Variants in HNF4A observed in about 807,000 individuals in gnomAD.
HNF4A encodes the protein hepatocyte nuclear factor 4 alpha.
In HNF4A, 15 loss-of-function variants were observed where a neutral mutation model predicts 52.4. The observed-to-expected ratio is 0.29, with a 90% confidence interval of 0.19 to 0.44. HNF4A has a LOEUF of 0.44. HNF4A is among the 20% of genes least tolerant of loss of function. HNF4A has a pLI of 1.00. For synonymous variants in HNF4A, 280 were observed against 264.4 expected (o/e 1.06, Z -0.57); for missense variants, 479 against 647.2 (o/e 0.74, Z 2.82).
intron 1 of HNF4A, among the ~76,000 whole-genome samples, chr20:44,384,144 C>T (rs951563022): frequency 7.4e-6 from 1 of 135,050 alleles, no homozygotes; most frequent in African/African-American, 2.6e-5. Flanking sequence ...AGCCATCACG[C>T]CTGGCCCCTG....
At chr20:44,383,023 G>A (rs963746201) in intron 1 of HNF4A, among the ~76,000 whole-genome samples, 1 of 152,084 alleles carries the variant, frequency 6.6e-6, no homozygotes, top group African/African-American at 2.4e-5. Flanking sequence ...AGAAAAATTA[G>A]CCAGGGGTGG....
At chr20:44,404,784 TGCG>T (rs1568719968) in intron 1 of HNF4A, among the ~76,000 whole-genome samples, 2 of 91,560 alleles carry the variant, frequency 2.2e-5, no homozygotes, top group African/African-American at 4.3e-5. Flanking sequence ...TGTGTGTGTG[TGCG>T]TGTGTCTGTG....
upstream of HNF4A, among the ~76,000 whole-genome samples, chr20:44,400,658 G>A (rs1454188192): frequency 2.0e-5 from 3 of 152,140 alleles, no homozygotes; most frequent in Non-Finnish European, 2.9e-5. Flanking sequence ...GGGGCAGGGT[G>A]GGATCACAGG....
chr20:44,356,333 G>A (rs926606004), intron 1 of HNF4A, among the ~76,000 whole-genome samples: 4 of 152,144 alleles, frequency 2.6e-5, no homozygotes, highest in Middle Eastern at 6.3e-3. Flanking sequence ...GGTAGAAAGC[G>A]CCGCGCAGGG....
intron 1 of HNF4A, among the ~76,000 whole-genome samples, chr20:44,387,139 C>A (rs2063234644): frequency 6.6e-6 from 1 of 151,752 alleles, no homozygotes; most frequent in South Asian, 2.1e-4. Flanking sequence ...CCCGTCTCTA[C>A]TAAAAATTAA....
intron 8 of HNF4A, among the ~76,000 whole-genome samples, chr20:44,427,176 GA>G (rs1440356387): frequency 6.6e-6 from 1 of 152,212 alleles, no homozygotes; most frequent in Non-Finnish European, 1.5e-5. Flanking sequence ...AATGTCTCCT[GA>G]TGGGCCAAAA....
At chr20:44,380,195 A>G (rs2063137475) in intron 1 of HNF4A, among the ~76,000 whole-genome samples, 1 of 152,144 alleles carries the variant, frequency 6.6e-6, no homozygotes, top group Non-Finnish European at 1.5e-5. Flanking sequence ...TGCAGTTTTG[A>G]TTTGCACTTC....
chr20:44,388,381 A>ACCCCCCCCCCCCCCC (rs1227407354), intron 1 of HNF4A, among the ~76,000 whole-genome samples: 1 of 76,222 alleles, frequency 1.3e-5, no homozygotes, highest in Non-Finnish European at 2.3e-5. Context: ...GACCCCCCCC[A>ACCCCCCCCCCCCCCC]CCCCCGTACA....
At chr20:44,357,633 C>T (rs2062872656) in intron 1 of HNF4A, among the ~76,000 whole-genome samples, 1 of 152,136 alleles carries the variant, frequency 6.6e-6, no homozygotes, top group East Asian at 1.9e-4. Context: ...CATCTCTGCT[C>T]CTGTGTCATA....
intron 3 of HNF4A, among the ~76,000 whole-genome samples, chr20:44,411,567 G>A (rs1425092059): frequency 1.3e-5 from 2 of 152,160 alleles, no homozygotes; most frequent in African/African-American, 4.8e-5. Flanking sequence ...CAGGGAAGCC[G>A]TGCTCTGAGC....
chr20:44,387,132 G>A (rs1475004551), intron 1 of HNF4A, among the ~76,000 whole-genome samples: 2 of 151,828 alleles, frequency 1.3e-5, no homozygotes, highest in South Asian at 2.1e-4. Flanking sequence ...GCGAAACCCC[G>A]TCTCTACTAA....
At chr20:44,403,272 G>A (rs900799448) in intron 1 of HNF4A, among the ~76,000 whole-genome samples, 3 of 152,176 alleles carry the variant, frequency 2.0e-5, no homozygotes, top group African/African-American at 7.2e-5. Context: ...GCTCAAATCC[G>A]GCATAGATCC....
rs141547938 is a variant in HNF4A, at chr20:44,408,445, C to T, written c.385+970C>T. Among the ~76,000 whole-genome samples the T allele has an allele frequency of 9.2e-5, 14 of 152,268 alleles. 1 individual carries two copies. The East Asian group carries it at 2.3e-3, about 25-fold the overall frequency. ...TTAACTGCTTTAAAGTAACTTGAGG[C>T]CAGGCGCAGTGAATCAGGCCTGTAA... On this transcript the variant is annotated intron_variant, in intron 3 of 9. Coordinates refer to ENST00000316099, the MANE Select transcript of HNF4A (RefSeq NM_000457.6).
chr20:44,402,151 G>A (rs2063418399), intron 1 of HNF4A, among the ~76,000 whole-genome samples: 1 of 152,104 alleles, frequency 6.6e-6, no homozygotes, highest in South Asian at 2.1e-4. Flanking sequence ...CTCTGTGTGT[G>A]AGTTCTGGGT....
At chr20:44,372,520 G>T (rs1427376991) in intron 1 of HNF4A, among the ~76,000 whole-genome samples, 1 of 152,124 alleles carries the variant, frequency 6.6e-6, no homozygotes, top group Non-Finnish European at 1.5e-5. Flanking sequence ...GCCCCATCTG[G>T]CAGCCATTGT....
At chr20:44,407,260 C>T in intron 2 of HNF4A, 121 bp from the exon 3 acceptor site, 2 of 765,882 alleles carry the variant, frequency 2.6e-6, no homozygotes, top group South Asian at 2.9e-5. Context: ...AGAGAGAACT[C>T]CCGGGATGAA....
chr20:44,364,991 T>C (rs2062956297), intron 1 of HNF4A, among the ~76,000 whole-genome samples: 1 of 152,126 alleles, frequency 6.6e-6, no homozygotes, highest in African/African-American at 2.4e-5. Flanking sequence ...GAAGATGTGG[T>C]CCCTAGCGGG....
chr20:44,426,348 C>T (rs763487785), intron 8 of HNF4A, among the ~76,000 whole-genome samples: 1 of 151,978 alleles, frequency 6.6e-6, no homozygotes, highest in East Asian at 1.9e-4. Context: ...GAGTGGAAAC[C>T]AGATTGGAGA....
intron 7 of HNF4A, among the ~76,000 whole-genome samples, chr20:44,421,855 AT>A (rs2063750997): frequency 1.4e-5 from 2 of 146,072 alleles, no homozygotes; most frequent in Non-Finnish European, 3.0e-5. Context: ...TATAATATAT[AT>A]TATATATAGT....
Sources: allele counts gnomAD v4.1 joint callset (sites outside exome capture counted in the v4.1 genomes callset), GRCh38; gene constraint gnomAD v4.1.1; transcripts MANE v1.5; gene names NCBI Gene and HGNC (gene_info 2026-07-23, HGNC 2026-07-21).